The following PLEKHG4B variants were observed in gnomAD, a reference collection of about 807,000 sequenced individuals.
PLEKHG4B encodes pleckstrin homology and RhoGEF domain containing G4B, also known as pleckstrin homology domain-containing family G member 4B.
Under a neutral mutation model 121.3 loss-of-function variants are expected in PLEKHG4B, and 111 were observed. The ratio of observed to expected loss-of-function variants is 0.92; its 90% CI spans 0.78 to 1.07. The LOEUF (loss-of-function observed/expected upper bound fraction) is 1.07. Among genes scored for constraint, PLEKHG4B ranks in the 50% least tolerant of loss-of-function variants. The probability of loss-of-function intolerance (pLI) is 0.00; values close to 1 mark genes in which losing one functional copy is unlikely to be tolerated. For missense variants in PLEKHG4B, 1,831 were observed against 1,757.8 expected (o/e 1.04, Z -0.74); for synonymous variants, 738 against 725.0 (o/e 1.02, Z -0.29).
chr5:164,739 G>C, intron 13 of PLEKHG4B, among the ~76,000 whole-genome samples: 2 of 133,852 alleles, frequency 1.5e-5, no homozygotes, highest in Non-Finnish European at 3.2e-5. Flanking sequence ...TACTCTGACG[G>C]GGCGGGGCTC....
chr5:99,940 G>A (rs1733753221), intron 1 of PLEKHG4B, among the ~76,000 whole-genome samples: 1 of 152,080 alleles, frequency 6.6e-6, no homozygotes, highest in Non-Finnish European at 1.5e-5. Flanking sequence ...AAAGGGTGTT[G>A]GAGTTTGTCA....
At chr5:151,178 G>A (rs557265563) in intron 6 of PLEKHG4B, among the ~76,000 whole-genome samples, 5 of 152,328 alleles carry the variant, frequency 3.3e-5, no homozygotes, top group East Asian at 1.9e-4. Flanking sequence ...GCTTGGCTAC[G>A]AAGAGGCACA....
At chr5:158,812 C>T (rs921848577) in intron 11 of PLEKHG4B, among the ~76,000 whole-genome samples, 1 of 152,246 alleles carries the variant, frequency 6.6e-6, no homozygotes, top group Admixed American at 6.5e-5. Context: ...CCTCCCCACT[C>T]TGCCCCATCC....
In PLEKHG4B at chr5:162,786, T is replaced by C; in HGVS notation, c.2714T>C (p.Leu905Ser). The change falls in exon 13 of 20, where the codon TTG becomes TCG. Residue 905 changes from leucine to serine, a missense_variant. Transcript: ENST00000637938. ...ACPSSPVAECLRSCHQEATSV... is the reference protein window; with the variant it reads ...ACPSSPVAECSRSCHQEATSV... ...CCCTCCTCACCCGTGGCTGAGTGTT[T>C]GAGGAGCTGTCACCAGGAGGCTACC... 2.0e-6 allele frequency: 3 copies of C among 1,489,132 alleles called. No homozygotes were observed. The highest frequency in any genetic ancestry group is 2.7e-6 in the Non-Finnish European group (3 of 1,121,608). 92.2% of individuals were successfully genotyped at this position (1,489,132 alleles called of 1,614,324 possible).
chr5:134,914 G>T (rs544370609), intron 2 of PLEKHG4B, among the ~76,000 whole-genome samples: 1 of 152,174 alleles, frequency 6.6e-6, no homozygotes, highest in Non-Finnish European at 1.5e-5. Flanking sequence ...TTGTGGCCGG[G>T]CACGGTGGCT....
At chr5:125,087 C>G (rs1272705155) in intron 2 of PLEKHG4B, among the ~76,000 whole-genome samples, 1 of 152,124 alleles carries the variant, frequency 6.6e-6, no homozygotes, top group Non-Finnish European at 1.5e-5. Context: ...GAGCTGAGAT[C>G]ACACCACTCA....
chr5:109,403 A>G (rs1298274035), intron 1 of PLEKHG4B, among the ~76,000 whole-genome samples: 1 of 150,376 alleles, frequency 6.6e-6, no homozygotes, highest in East Asian at 1.9e-4. Flanking sequence ...TCTCCAAAAA[A>G]AAAAAAAAAA....
intron 11 of PLEKHG4B, among the ~76,000 whole-genome samples, chr5:161,511 C>T (rs1431709719): frequency 6.6e-6 from 1 of 152,242 alleles, no homozygotes; most frequent in African/African-American, 2.4e-5. Context: ...CGCATCCCTC[C>T]CTCGGTCCTG....
At position 163,608 on chromosome 5, in the gene PLEKHG4B, G is replaced by A. The variant is rs949268025; in HGVS notation, c.3476+60G>A. ...GTCCTTGGGGATCTAGAAACCCAAAGCCATTTAGGCAGTAAACTCTCTTCT... is the reference window on the plus strand; with the variant it reads ...GTCCTTGGGGATCTAGAAACCCAAAACCATTTAGGCAGTAAACTCTCTTCT... On this transcript the variant is annotated intron_variant, in intron 13 of 19. Transcript: ENST00000637938. The A allele has an allele frequency of 3.0e-5, 40 of 1,353,398 alleles. No homozygotes were observed. The African/African-American group carries it at 4.0e-4, about 14-fold the overall frequency. 83.8% of individuals were successfully genotyped at this position (1,353,398 alleles called of 1,614,324 possible).
intron 18 of PLEKHG4B, among the ~76,000 whole-genome samples, chr5:176,115 C>T (rs1736753524): frequency 8.4e-6 from 1 of 118,990 alleles, no homozygotes; most frequent in African/African-American, 2.6e-5. Context: ...ATGGCGTCGC[C>T]ACAGGCTCCC....
intron 2 of PLEKHG4B, among the ~76,000 whole-genome samples, chr5:128,120 C>T (rs1237625123): frequency 2.0e-5 from 3 of 152,074 alleles, no homozygotes; most frequent in African/African-American, 7.2e-5. Flanking sequence ...CTATTCAGAC[C>T]TTTAAAAGGT....
intron 2 of PLEKHG4B, among the ~76,000 whole-genome samples, chr5:134,206 A>T (rs1734877507): frequency 1.3e-5 from 2 of 149,304 alleles, no homozygotes; most frequent in African/African-American, 2.5e-5. Flanking sequence ...CCATTATTTT[A>T]AGTGAAATAA....
At chr5:173,185 C>G (rs1475516266) in intron 17 of PLEKHG4B, 118 bp downstream of exon 17, 12 of 972,558 alleles carry the variant, frequency 1.2e-5, no homozygotes, top group Non-Finnish European at 1.5e-5. Context: ...CGGGGAGGAG[C>G]CGCACTGCGA....
At chr5:180,343 C>T (rs1736892934) in intron 18 of PLEKHG4B, among the ~76,000 whole-genome samples, 1 of 152,164 alleles carries the variant, frequency 6.6e-6, no homozygotes, top group South Asian at 2.1e-4. Context: ...TTTTCAGGTC[C>T]CCACTGAATG....
chr5:163,478 C>CA lies in PLEKHG4B; in HGVS notation c.3407dup (p.Ser1137GlufsTer14). The CA allele has an allele frequency of 6.2e-7, 1 of 1,612,728 alleles. No homozygotes were observed. The highest frequency in any genetic ancestry group is 8.5e-7 in the Non-Finnish European group (1 of 1,179,954). On this transcript the variant is annotated frameshift_variant, in exon 13 of 20. Coordinates refer to ENST00000637938, the MANE Select transcript of PLEKHG4B (RefSeq NM_052909.5). LOFTEE classifies it high-confidence loss of function. ...GCATGCCAGGAGCCCCCCGGTCACT[C>CA]AGAGCCGGAGTCTGTCCTCCCCCTC...
At chr5:136,004 G>A (rs900196373) in intron 2 of PLEKHG4B, among the ~76,000 whole-genome samples, 23 of 152,086 alleles carry the variant, frequency 1.5e-4, no homozygotes, top group African/African-American at 4.8e-4. Flanking sequence ...AGAGAGCCCA[G>A]TAATGAACCC....
intron 14 of PLEKHG4B, among the ~76,000 whole-genome samples, 199 bp downstream of exon 14, chr5:169,791 T>C (rs898311078): frequency 1.3e-5 from 2 of 152,254 alleles, no homozygotes; most frequent in Admixed American, 6.5e-5. Flanking sequence ...CAGTGCTCGG[T>C]GCTTTGCGCG....
rs369882626 is a variant in PLEKHG4B, at chr5:163,112, G to A, written c.3040G>A (p.Gly1014Arg). The A allele has an allele frequency of 1.9e-6, 3 of 1,563,780 alleles. No homozygotes were observed. The highest frequency in any genetic ancestry group is 1.4e-5 in the African/African-American group (1 of 73,540). The change falls in exon 13 of 20, where the codon GGA becomes AGA. Residue 1014 changes from glycine (G) to arginine (R), a missense_variant. Physicochemically the swap from Gly to Arg is moderately radical, Grantham distance 125. Transcript: ENST00000637938. ...EPAQPLSGLP[G>R]RALLCGQDGE... Reference sequence around the variant, plus strand: ...TGCGCAACCACTGTCCGGCCTCCCTGGACGAGCGCTTCTGTGTGGACAGGA... The same window carrying A: ...TGCGCAACCACTGTCCGGCCTCCCTAGACGAGCGCTTCTGTGTGGACAGGA...
intron 6 of PLEKHG4B, among the ~76,000 whole-genome samples, chr5:148,344 C>CAAAAAAAA (rs71590513): frequency 1.1e-5 from 1 of 94,330 alleles, no homozygotes; most frequent in African/African-American, 3.4e-5. Context: ...AACAGTTCCA[C>CAAAAAAAA]AAAAAAAAAA....
Sources: gnomAD v4.1 joint callset for allele counts (sites outside exome capture counted in the v4.1 genomes callset) on GRCh38, gnomAD v4.1.1 for gene constraint, MANE v1.5 for transcripts, NCBI Gene and HGNC (gene_info 2026-07-23, HGNC 2026-07-21) for gene names.